Variants in CUX1 observed in about 807,000 individuals in gnomAD.
CUX1 encodes the protein protein CASP.
A neutral mutation model predicts 158.8 loss-of-function variants in CUX1; 31 were observed. That is an observed-to-expected ratio of 0.20 (90% CI 0.15 to 0.26). CUX1 has a LOEUF of 0.26. Ranked by LOEUF, CUX1 falls within the 10% of genes least tolerant of loss-of-function variation. The probability of loss-of-function intolerance (pLI) is 1.00; values close to 1 mark genes in which losing one functional copy is unlikely to be tolerated. For synonymous variants in CUX1, 879 were observed against 862.1 expected (o/e 1.02, Z -0.34); for missense variants, 1,589 against 2,014.6 (o/e 0.79, Z 4.04).
intron 2 of CUX1, among the ~76,000 whole-genome samples, chr7:101,945,873 T>A (rs1808307002): frequency 6.6e-6 from 1 of 152,164 alleles, no homozygotes; most frequent in Non-Finnish European, 1.5e-5. Context: ...CAGGAAGAGT[T>A]CTAGCTGTGT....
chr7:102,061,476 T>C (rs541436752), intron 3 of CUX1, among the ~76,000 whole-genome samples: 1 of 152,318 alleles, frequency 6.6e-6, no homozygotes, highest in East Asian at 1.9e-4. Flanking sequence ...CCTTCACTGT[T>C]TTCCAAGGGC....
chr7:101,893,029 G>A (rs371165741), intron 1 of CUX1, among the ~76,000 whole-genome samples: 7 of 151,924 alleles, frequency 4.6e-5, no homozygotes, highest in African/African-American at 1.4e-4. Flanking sequence ...CCGTCTTCTT[G>A]TATTTGGGGG....
chr7:102,095,413 G>T (rs1408348158), intron 4 of CUX1, among the ~76,000 whole-genome samples: 2 of 152,174 alleles, frequency 1.3e-5, no homozygotes, highest in Non-Finnish European at 2.9e-5. Flanking sequence ...TATAGGCTGT[G>T]TATACGTGCA....
At chr7:101,878,759 G>A (rs1319304321) in intron 1 of CUX1, among the ~76,000 whole-genome samples, 4 of 151,274 alleles carry the variant, frequency 2.6e-5, no homozygotes, top group African/African-American at 9.7e-5. Context: ...TGCAACCTCC[G>A]CCTCCCAGGC....
chr7:102,193,792 ACT>A (rs782656234), intron 12 of CUX1, 48 bp from the exon 13 acceptor site: 7 of 1,579,660 alleles, frequency 4.4e-6, no homozygotes, highest in South Asian at 3.4e-5. Flanking sequence ...ACAGAACGAG[ACT>A]CTGTCTCAAA....
chr7:102,129,893 A>G (rs1554496626), intron 8 of CUX1, among the ~76,000 whole-genome samples: 1 of 148,646 alleles, frequency 6.7e-6, no homozygotes, highest in Non-Finnish European at 1.5e-5. Flanking sequence ...GAAACAAATT[A>G]AAAGAGGTGC....
chr7:101,844,201 C>T (rs915727098), intron 1 of CUX1, among the ~76,000 whole-genome samples: 3 of 149,564 alleles, frequency 2.0e-5, no homozygotes, highest in Non-Finnish European at 3.0e-5. Context: ...CCCCCGCCCC[C>T]AACCCCAGCA....
At chr7:101,862,185 A>G (rs1797530652) in intron 1 of CUX1, among the ~76,000 whole-genome samples, 1 of 151,882 alleles carries the variant, frequency 6.6e-6, no homozygotes, top group African/African-American at 2.4e-5. Context: ...CTCTGAATAA[A>G]TGGATTGATG....
intron 2 of CUX1, among the ~76,000 whole-genome samples, chr7:101,925,581 C>G (rs1479704200): frequency 6.6e-6 from 1 of 152,078 alleles, no homozygotes; most frequent in Non-Finnish European, 1.5e-5. Flanking sequence ...GAACTGTGTA[C>G]TTTAAATGGG....
chr7:102,004,496 C>T (rs1817078738), intron 2 of CUX1, among the ~76,000 whole-genome samples: 1 of 152,156 alleles, frequency 6.6e-6, no homozygotes, highest in Admixed American at 6.6e-5. Flanking sequence ...ACAAATTTGG[C>T]TGATAACTCG....
intron 20 of CUX1, among the ~76,000 whole-genome samples, chr7:102,221,207 A>C (rs1395037246): frequency 1.3e-5 from 2 of 152,264 alleles, no homozygotes; most frequent in East Asian, 1.9e-4. Flanking sequence ...CCGCCAGTTA[A>C]ATAATGTTTG....
chr7:101,825,092 G>A (rs747887090), intron 1 of CUX1, among the ~76,000 whole-genome samples: 4 of 152,142 alleles, frequency 2.6e-5, no homozygotes, highest in African/African-American at 7.2e-5. Flanking sequence ...GTCAGCAACC[G>A]CCCGGAGAAT....
intron 4 of CUX1, among the ~76,000 whole-genome samples, chr7:102,081,567 T>TCCC (rs1827418466): frequency 6.8e-6 from 1 of 147,168 alleles, no homozygotes; most frequent in Non-Finnish European, 1.5e-5. Context: ...TCCTGAGGCC[T>TCCC]CCCCAGCCAT....
intron 21 of CUX1, chr7:102,282,618 C>A (rs1286386656): frequency 5.8e-6 from 8 of 1,368,110 alleles, no homozygotes; most frequent in South Asian, 1.3e-5. Context: ...GGCTCGAGAA[C>A]CTTTATGTTC....
At chr7:102,230,287 G>T (rs1798822366) in intron 21 of CUX1, among the ~76,000 whole-genome samples, 1 of 151,746 alleles carries the variant, frequency 6.6e-6, no homozygotes, top group Non-Finnish European at 1.5e-5. Context: ...ACCAGCCTGG[G>T]CAACACAGTG....
At chr7:101,845,080 CTT>C (rs1283126058) in intron 1 of CUX1, among the ~76,000 whole-genome samples, 1 of 152,014 alleles carries the variant, frequency 6.6e-6, no homozygotes, top group East Asian at 1.9e-4. Flanking sequence ...TCTCTCCTCT[CTT>C]TATTTTTTCT....
At chr7:101,820,953 T>G (rs1033306532) in intron 1 of CUX1, among the ~76,000 whole-genome samples, 14 of 152,218 alleles carry the variant, frequency 9.2e-5, no homozygotes, top group African/African-American at 3.4e-4. Context: ...CCTCTCCTTA[T>G]GTCCCACTGT....
chr7:101,904,771 G>A (rs1203436155), intron 1 of CUX1, among the ~76,000 whole-genome samples: 1 of 152,018 alleles, frequency 6.6e-6, no homozygotes, highest in Admixed American at 6.6e-5. Flanking sequence ...GTTTCACCAT[G>A]TTGGCCAGGC....
chr7:101,816,890 C>G (rs1445837475), upstream of CUX1: 1 of 979,790 alleles, frequency 1.0e-6, no homozygotes, highest in African/African-American at 1.8e-5. Flanking sequence ...CGCCGCCGCT[C>G]CGGCACCCCG....
Sources: allele counts gnomAD v4.1 joint callset (sites outside exome capture counted in the v4.1 genomes callset), GRCh38; gene constraint gnomAD v4.1.1; transcripts MANE v1.5; gene names NCBI Gene and HGNC (gene_info 2026-07-23, HGNC 2026-07-21).